The following RABGAP1L variants were observed in gnomAD, a reference collection of about 807,000 sequenced individuals.
The protein encoded by RABGAP1L is rab GTPase-activating protein 1-like.
Under a neutral mutation model 137.7 loss-of-function variants are expected in RABGAP1L, and 63 were observed. The observed-to-expected ratio is 0.46, with a 90% CI of 0.37 to 0.56. The LOEUF is 0.56. Ranked by LOEUF, RABGAP1L falls within the 20% of genes least tolerant of loss-of-function variation. RABGAP1L has a pLI of 0.00. For missense variants in RABGAP1L, 1,095 were observed against 1,244.0 expected (o/e 0.88, Z 1.80); for synonymous variants, 431 against 433.7 (o/e 0.99, Z 0.08).
At chr1:174,494,039 C>A (rs149560191) in intron 13 of RABGAP1L, among the ~76,000 whole-genome samples, 59 of 152,200 alleles carry the variant, frequency 3.9e-4, no homozygotes, top group African/African-American at 1.4e-3. Flanking sequence ...GACTTTCCTT[C>A]TTTGGAGCCT....
At chr1:174,978,509 G>T (rs1450269066) in intron 22 of RABGAP1L, among the ~76,000 whole-genome samples, 1 of 152,208 alleles carries the variant, frequency 6.6e-6, no homozygotes, top group East Asian at 1.9e-4. Context: ...TAAGGATAAA[G>T]ATAGCTTCTG....
chr1:174,415,125 T>C (rs1399801375), intron 13 of RABGAP1L, among the ~76,000 whole-genome samples: 2 of 152,156 alleles, frequency 1.3e-5, no homozygotes, highest in African/African-American at 4.8e-5. Context: ...ATTAATATAT[T>C]GTTCTTTTAA....
Position 174,372,182 on chromosome 1 carries a change from G to A in RABGAP1L, c.1559+1110G>A, listed in dbSNP as rs550875831. ...ATGTCAACATAAAATAATCAAAAGG[G>A]TCAGAATCTAATTTAAAGGTAATTT... On this transcript the variant is annotated intron_variant, in intron 12 of 25. Coordinates refer to ENST00000681986, the MANE Select transcript of RABGAP1L (RefSeq NM_001366446.1). Among the ~76,000 whole-genome samples the A allele has an allele frequency of 2.5e-4, 38 of 152,078 alleles. No individual in the cohort carries two copies. The South Asian group carries it at 7.7e-3, about 31-fold the overall frequency.
chr1:174,566,209 C>G lies in RABGAP1L; in HGVS notation c.1711-71166C>G, dbSNP rs899638144. ...TAAGCAGAGAGCAAGAGAAGAAATT[C>G]CAATTTGCTGTTTGTCAGTAACTGG... On this transcript the variant is annotated intron_variant, in intron 13 of 25. Transcript: ENST00000681986. Among the ~76,000 whole-genome samples, 4 of 152,044 alleles carry G rather than the reference C, an allele frequency of 2.6e-5. No individual in the cohort carries two copies. In the South Asian group the frequency reaches 6.2e-4, roughly 24 times the overall value.
chr1:174,892,404 C>T (rs1573696862), intron 19 of RABGAP1L: 1 of 396,930 alleles, frequency 2.5e-6, no homozygotes, highest in East Asian at 7.4e-5. Flanking sequence ...CACTATAATC[C>T]CTGGTTGAAG....
chr1:174,720,983 C>G (rs1343881248), intron 17 of RABGAP1L, among the ~76,000 whole-genome samples: 1 of 152,148 alleles, frequency 6.6e-6, no homozygotes, highest in Non-Finnish European at 1.5e-5. Flanking sequence ...GATAAAAATT[C>G]TAGAGGTCAT....
At chr1:174,252,833 C>A (rs965543079) in intron 7 of RABGAP1L, among the ~76,000 whole-genome samples, 1 of 152,134 alleles carries the variant, frequency 6.6e-6, no homozygotes, top group African/African-American at 2.4e-5. Context: ...TGGGTTTGTT[C>A]ACATCTTTTT....
At chr1:174,645,725 T>C (rs1445142393) in intron 14 of RABGAP1L, among the ~76,000 whole-genome samples, 2 of 152,182 alleles carry the variant, frequency 1.3e-5, no homozygotes, top group African/African-American at 4.8e-5. Flanking sequence ...ATCCTTTGGG[T>C]ACATATCCAG....
At chr1:174,788,802 C>T (rs953330459) in intron 18 of RABGAP1L, among the ~76,000 whole-genome samples, 48 of 152,124 alleles carry the variant, frequency 3.2e-4, no homozygotes, top group Non-Finnish European at 8.8e-5. Context: ...ACCTCCATCT[C>T]CCAGGTTCCA....
chr1:174,877,883 G>A (rs1653408330), intron 19 of RABGAP1L, among the ~76,000 whole-genome samples: 1 of 152,132 alleles, frequency 6.6e-6, no homozygotes, highest in Admixed American at 6.5e-5. Context: ...TAATTATCAG[G>A]TAGGGGCTAG....
At chr1:174,231,406 T>G (rs1415228810) in intron 4 of RABGAP1L, 51 bp downstream of exon 4, 7 of 1,513,420 alleles carry the variant, frequency 4.6e-6, no homozygotes, top group Non-Finnish European at 6.4e-6. Context: ...TTTTGGGTGG[T>G]GGTGAAGATG....
chr1:174,839,783 A>G (rs532614264), intron 19 of RABGAP1L, among the ~76,000 whole-genome samples: 9 of 152,346 alleles, frequency 5.9e-5, no homozygotes, highest in South Asian at 2.1e-4. Context: ...TATTGAGTAC[A>G]TAATGTGGCC....
chr1:174,389,152 C>A (rs1443879559), intron 12 of RABGAP1L, among the ~76,000 whole-genome samples: 1 of 151,984 alleles, frequency 6.6e-6, no homozygotes, highest in Non-Finnish European at 1.5e-5. Context: ...TTAATCTATC[C>A]TTTTTCTTGA....
At position 174,990,484 on chromosome 1, in the gene RABGAP1L, C is replaced by G. The variant is rs143194026; in HGVS notation, c.*483C>G. On this transcript the variant is annotated 3_prime_UTR_variant, in exon 26 of 26. Transcript: ENST00000681986. ...CTGTGGGGCCAGGCATGACCACTCT[C>G]AGGTTTCCTCCTGAGCCTGATTCCC... is the stretch of plus-strand genomic sequence containing the variant. The G allele has an allele frequency of 6.6e-6, 1 of 152,530 alleles. No individual in the cohort carries two copies. Among genetic ancestry groups the G allele is most frequent in the East Asian group, 1.9e-4 (1 of 5,182 alleles). 9.4% of individuals were successfully genotyped at this position (152,530 alleles called of 1,614,324 possible).
intron 13 of RABGAP1L, among the ~76,000 whole-genome samples, chr1:174,542,321 G>A (rs1406177936): frequency 2.6e-5 from 4 of 152,098 alleles, no homozygotes; most frequent in South Asian, 2.1e-4. Context: ...TTTAGTCTTC[G>A]GAGGGTGTAT....
At chr1:174,531,283 A>C (rs1191151370) in intron 13 of RABGAP1L, among the ~76,000 whole-genome samples, 3 of 152,188 alleles carry the variant, frequency 2.0e-5, no homozygotes, top group African/African-American at 7.2e-5. Flanking sequence ...ATTGTAGTTC[A>C]CCAAGTATAT....
intron 13 of RABGAP1L, among the ~76,000 whole-genome samples, chr1:174,502,089 TTATAA>T (rs1218792768): frequency 6.6e-6 from 1 of 151,716 alleles, no homozygotes; most frequent in African/African-American, 2.4e-5. Context: ...ATTATATTAA[TTATAA>T]TATGCATCAG....
At chr1:174,605,849 G>A (rs1670752714) in intron 13 of RABGAP1L, among the ~76,000 whole-genome samples, 1 of 152,090 alleles carries the variant, frequency 6.6e-6, no homozygotes, top group Non-Finnish European at 1.5e-5. Flanking sequence ...TTCTTAAAGC[G>A]AATTTTCTAT....
chr1:174,417,512 A>G (rs1650742895), intron 13 of RABGAP1L, among the ~76,000 whole-genome samples: 1 of 152,186 alleles, frequency 6.6e-6, no homozygotes, highest in Non-Finnish European at 1.5e-5. Context: ...CCCAACTTAT[A>G]TGTGATGCAT....
Sources: allele counts gnomAD v4.1 joint callset (sites outside exome capture counted in the v4.1 genomes callset), GRCh38; gene constraint gnomAD v4.1.1; transcripts MANE v1.5; gene names NCBI Gene and HGNC (gene_info 2026-07-23, HGNC 2026-07-21).